Variants in SRBD1 observed in about 807,000 individuals in gnomAD.
The protein encoded by SRBD1 is S1 RNA binding domain 1, also known as S1 RNA-binding domain-containing protein 1.
In SRBD1, 88 loss-of-function variants were observed where a neutral mutation model predicts 115.3. The observed-to-expected ratio is 0.76, with a 90% CI of 0.64 to 0.91. The LOEUF (loss-of-function observed/expected upper bound fraction) is 0.91, where lower values mean the gene tolerates loss of function less well. Ranked by LOEUF, SRBD1 falls within the 40% of genes least tolerant of loss-of-function variation. The pLI is 0.00. For missense variants in SRBD1, 1,385 were observed against 1,177.4 expected, an observed-to-expected ratio of 1.18 and a Z score of -2.58; for synonymous variants, 509 against 407.7, an observed-to-expected ratio of 1.25 and a Z score of -2.99.
chr2:45,593,792 C>T (rs1157652597), intron 4 of SRBD1, among the ~76,000 whole-genome samples: 1 of 152,182 alleles, frequency 6.6e-6, no homozygotes, highest in Admixed American at 6.5e-5. Context: ...CACTGTATCA[C>T]TTATTCTACT....
rs76697882 is a variant in SRBD1, at chr2:45,564,890, G to A, written c.1306-2134C>T. 3.1e-3 allele frequency among the ~76,000 whole-genome samples: 477 copies of A among 152,240 alleles called. 2 individuals are homozygous for A. Among genetic ancestry groups the A allele is most frequent in the African/African-American group, 0.011 (444 of 41,546 alleles). ...GGGACTTGCATATACATAGATTTGG[G>A]TATATGCAGGGATCCTGGAATCAAT... is the stretch of plus-strand genomic sequence containing the variant. On this transcript the variant is annotated intron_variant, in intron 9 of 20. Transcript: ENST00000263736.
intron 14 of SRBD1, among the ~76,000 whole-genome samples, chr2:45,530,882 G>C (rs1191801703): frequency 2.6e-5 from 4 of 151,916 alleles, no homozygotes; most frequent in Non-Finnish European, 4.4e-5. Flanking sequence ...CTCACAAAAG[G>C]CTGAGCCTAA....
chr2:45,420,496 C>T (rs1023380774), intron 16 of SRBD1, among the ~76,000 whole-genome samples: 5 of 152,192 alleles, frequency 3.3e-5, no homozygotes, highest in Non-Finnish European at 7.3e-5. Context: ...AACCATGACA[C>T]ATGCTTTCTT....
chr2:45,610,580 G>C (rs1188162865), intron 1 of SRBD1, among the ~76,000 whole-genome samples: 2 of 152,138 alleles, frequency 1.3e-5, no homozygotes, highest in East Asian at 3.9e-4. Flanking sequence ...ATATGTTAAT[G>C]ACATGTCACG....
intron 14 of SRBD1, among the ~76,000 whole-genome samples, chr2:45,493,927 A>T (rs1670377329): frequency 6.6e-6 from 1 of 152,168 alleles, no homozygotes; most frequent in Non-Finnish European, 1.5e-5. Flanking sequence ...TTGGATGGTA[A>T]ATTGAAAATC....
chr2:45,454,218 A>G (rs577147747), intron 16 of SRBD1, among the ~76,000 whole-genome samples: 1 of 152,048 alleles, frequency 6.6e-6, no homozygotes, highest in South Asian at 2.1e-4. Context: ...AATGTAATCC[A>G]ATTTACCCCA....
intron 9 of SRBD1, among the ~76,000 whole-genome samples, chr2:45,572,965 G>A (rs568111445): frequency 6.6e-6 from 1 of 152,214 alleles, no homozygotes; most frequent in South Asian, 2.1e-4. Flanking sequence ...AAAAAGTCAA[G>A]ATACCTAAAA....
At chr2:45,390,572 T>C (rs542580897) in intron 20 of SRBD1, among the ~76,000 whole-genome samples, 1 of 152,304 alleles carries the variant, frequency 6.6e-6, no homozygotes, top group South Asian at 2.1e-4. Context: ...CTAGGATTAC[T>C]GAGTGTTGAC....
At chr2:45,450,324 A>T (rs1668955368) in intron 16 of SRBD1, among the ~76,000 whole-genome samples, 1 of 152,156 alleles carries the variant, frequency 6.6e-6, no homozygotes, top group South Asian at 2.1e-4. Context: ...TGTGGGGTTT[A>T]TAGCAGATTT....
intron 4 of SRBD1, among the ~76,000 whole-genome samples, chr2:45,597,106 A>C (rs1460145623): frequency 1.3e-5 from 2 of 152,116 alleles, no homozygotes; most frequent in Non-Finnish European, 2.9e-5. Context: ...AAATTCAGCC[A>C]ATCAGACTTT....
chr2:45,518,025 A>G (rs547422133), intron 14 of SRBD1, among the ~76,000 whole-genome samples: 80 of 152,240 alleles, frequency 5.3e-4, no homozygotes, highest in African/African-American at 1.8e-3. Flanking sequence ...TGATAATTCA[A>G]AAGCTCTCTT....
intron 4 of SRBD1, among the ~76,000 whole-genome samples, chr2:45,590,190 C>A (rs138527832): frequency 2.0e-5 from 3 of 152,204 alleles, no homozygotes; most frequent in Non-Finnish European, 2.9e-5. Flanking sequence ...ATTATTACAG[C>A]GAAAGAGATC....
At chr2:45,493,664 A>AG (rs1206232641) in intron 14 of SRBD1, among the ~76,000 whole-genome samples, 1 of 152,018 alleles carries the variant, frequency 6.6e-6, no homozygotes, top group Non-Finnish European at 1.5e-5. Context: ...CAAAAAAAAA[A>AG]TCAGCCAAGC....
At chr2:45,591,270 C>T (rs998199224) in intron 4 of SRBD1, among the ~76,000 whole-genome samples, 7 of 152,164 alleles carry the variant, frequency 4.6e-5, no homozygotes, top group Non-Finnish European at 7.4e-5. Context: ...TCTTATGGCC[C>T]CCACCCAGGA....
chr2:45,396,242 A>G (rs1382015337), intron 19 of SRBD1, among the ~76,000 whole-genome samples: 1 of 152,190 alleles, frequency 6.6e-6, no homozygotes, highest in African/African-American at 2.4e-5. Context: ...AAGATATGTA[A>G]AATTTAAAGT....
chr2:45,402,373 G>C (rs1369105485), intron 19 of SRBD1, among the ~76,000 whole-genome samples: 1 of 152,138 alleles, frequency 6.6e-6, no homozygotes, highest in Non-Finnish European at 1.5e-5. Context: ...ATTTTACATT[G>C]ACGGCTGTCT....
chr2:45,543,310 TA>T (rs1360771801), intron 14 of SRBD1, among the ~76,000 whole-genome samples: 3 of 152,198 alleles, frequency 2.0e-5, no homozygotes, highest in Non-Finnish European at 4.4e-5. Flanking sequence ...TAAGGTATTT[TA>T]AGGGTAGGGA....
At chr2:45,409,379 C>T (rs1228414061) in intron 19 of SRBD1, among the ~76,000 whole-genome samples, 7 of 151,818 alleles carry the variant, frequency 4.6e-5, no homozygotes, top group Admixed American at 4.6e-4. Context: ...ACTAAAAATA[C>T]AATTATTATG....
chr2:45,510,767 G>A (rs781544059), intron 14 of SRBD1, among the ~76,000 whole-genome samples: 4 of 152,084 alleles, frequency 2.6e-5, no homozygotes, highest in South Asian at 2.1e-4. Context: ...TAGTAAAGTC[G>A]GGCCTTTTAA....
Sources: allele counts gnomAD v4.1 joint callset (sites outside exome capture counted in the v4.1 genomes callset), GRCh38; gene constraint gnomAD v4.1.1; transcripts MANE v1.5; gene names NCBI Gene and HGNC (gene_info 2026-07-23, HGNC 2026-07-21).